ABTB3: variants seen among roughly 807,000 people sequenced by gnomAD.
The protein encoded by ABTB3 is ankyrin repeat and BTB domain containing 3.
chr12:107,454,029 T>G, the ABTB3 span, among the ~76,000 whole-genome samples: 2 of 152,246 alleles, frequency 1.3e-5, no homozygotes, highest in Non-Finnish European at 2.9e-5. Flanking sequence ...AGAATGCAGC[T>G]GGGGTCTGCA....
the ABTB3 span, among the ~76,000 whole-genome samples, chr12:107,569,985 T>G: frequency 6.6e-6 from 1 of 152,230 alleles, no homozygotes; most frequent in Non-Finnish European, 1.5e-5. Context: ...GTTGGGCCTC[T>G]TCCCTTTGGG....
the ABTB3 span, among the ~76,000 whole-genome samples, chr12:107,472,324 T>G: frequency 5.8e-4 from 88 of 152,080 alleles, no homozygotes; most frequent in African/African-American, 2.0e-3. Flanking sequence ...AGCTTATAAA[T>G]CGGCAAACGG....
the ABTB3 span, chr12:107,610,027 A>C: frequency 1.3e-6 from 1 of 771,946 alleles, no homozygotes; most frequent in Non-Finnish European, 2.1e-6. Flanking sequence ...ATAAAGGACA[A>C]AGGATCAAGA....
chr12:107,433,946 G>A, the ABTB3 span, among the ~76,000 whole-genome samples: 227 of 152,286 alleles, frequency 1.5e-3, 1 homozygote, highest in African/African-American at 5.1e-3. Flanking sequence ...CTCACATGGT[G>A]GAAGAGCTAA....
the ABTB3 span, among the ~76,000 whole-genome samples, chr12:107,596,115 G>GT: frequency 6.2e-4 from 95 of 152,278 alleles, no homozygotes; most frequent in Non-Finnish European, 1.1e-3. Flanking sequence ...ACATTTAACA[G>GT]GTGACAAGAA....
At chr12:107,460,343 C>A in the ABTB3 span, among the ~76,000 whole-genome samples, 2 of 152,276 alleles carry the variant, frequency 1.3e-5, no homozygotes, top group African/African-American at 4.8e-5. Context: ...GAGATTCTGG[C>A]TGGGAAAATG....
At chr12:107,387,608 T>G in the ABTB3 span, among the ~76,000 whole-genome samples, 2 of 152,178 alleles carry the variant, frequency 1.3e-5, no homozygotes, top group African/African-American at 4.8e-5. Context: ...GCAGAGTAGT[T>G]GTCTCATTTT....
the ABTB3 span, among the ~76,000 whole-genome samples, chr12:107,557,232 T>G: frequency 6.6e-6 from 1 of 152,192 alleles, no homozygotes; most frequent in Non-Finnish European, 1.5e-5. Flanking sequence ...CCTCCACACC[T>G]AAGCTACATG....
At chr12:107,445,520 C>A in the ABTB3 span, among the ~76,000 whole-genome samples, 20 of 152,194 alleles carry the variant, frequency 1.3e-4, no homozygotes, top group African/African-American at 4.8e-4. Context: ...GGAGTGGGTG[C>A]CCAGAGACAC....
the ABTB3 span, among the ~76,000 whole-genome samples, chr12:107,567,921 T>G: frequency 6.6e-6 from 1 of 152,198 alleles, no homozygotes; most frequent in African/African-American, 2.4e-5. Context: ...GGTTGGGCTA[T>G]ATCATCTTGG....
At chr12:107,506,706 G>A in the ABTB3 span, among the ~76,000 whole-genome samples, 1 of 152,236 alleles carries the variant, frequency 6.6e-6, no homozygotes, top group Non-Finnish European at 1.5e-5. Flanking sequence ...TTTGATGTGT[G>A]TTTGTCCTCC....
At chr12:107,613,607 G>A in the ABTB3 span, among the ~76,000 whole-genome samples, 2 of 152,146 alleles carry the variant, frequency 1.3e-5, no homozygotes, top group South Asian at 4.1e-4. Context: ...ATCTCATATA[G>A]TTGTCAGAAG....
chr12:107,399,274 G>C, the ABTB3 span, among the ~76,000 whole-genome samples: 1 of 152,188 alleles, frequency 6.6e-6, no homozygotes, highest in Non-Finnish European at 1.5e-5. Flanking sequence ...CTTTTTTGAA[G>C]ATATTTAAGT....
the ABTB3 span, among the ~76,000 whole-genome samples, chr12:107,584,095 T>C: frequency 6.6e-6 from 1 of 152,244 alleles, no homozygotes; most frequent in African/African-American, 2.4e-5. Context: ...AGAATACTTA[T>C]TTTTCAGACT....
At chr12:107,523,046 T>C in the ABTB3 span, among the ~76,000 whole-genome samples, 4 of 152,220 alleles carry the variant, frequency 2.6e-5, no homozygotes, top group Non-Finnish European at 5.9e-5. Flanking sequence ...AATTGAAGCA[T>C]TGATCACAGA....
the ABTB3 span, among the ~76,000 whole-genome samples, chr12:107,395,075 T>C: frequency 2.0e-5 from 3 of 152,230 alleles, no homozygotes; most frequent in African/African-American, 7.2e-5. Context: ...CTCACCCTCA[T>C]CAGCAAGTGG....
the ABTB3 span, among the ~76,000 whole-genome samples, chr12:107,368,021 A>G: frequency 2.6e-5 from 4 of 152,218 alleles, no homozygotes; most frequent in Non-Finnish European, 4.4e-5. Context: ...CTCAATATCT[A>G]TCCATGTTGG....
chr12:107,403,597 A>G, the ABTB3 span, among the ~76,000 whole-genome samples: 1 of 152,202 alleles, frequency 6.6e-6, no homozygotes, highest in Non-Finnish European at 1.5e-5. Flanking sequence ...ACACTTCATA[A>G]ATGTTATTCA....
At chr12:107,494,954 G>A in the ABTB3 span, among the ~76,000 whole-genome samples, 2 of 152,192 alleles carry the variant, frequency 1.3e-5, no homozygotes, top group East Asian at 1.9e-4. Flanking sequence ...CTCCTACCAC[G>A]GGACTGTGGG....
Sources: allele counts gnomAD v4.1 joint callset (sites outside exome capture counted in the v4.1 genomes callset), GRCh38; gene constraint gnomAD v4.1.1; transcripts MANE v1.5; gene names NCBI Gene and HGNC (gene_info 2026-07-23, HGNC 2026-07-21).